Variants in MAPRE3 observed in about 807,000 individuals in gnomAD.
The protein encoded by MAPRE3 is microtubule associated protein RP/EB family member 3.
Under a neutral mutation model 30.5 loss-of-function variants are expected in MAPRE3, and 2 were observed. That is an observed-to-expected ratio of 0.07 (90% CI 0.03 to 0.21). The LOEUF (loss-of-function observed/expected upper bound fraction) is 0.21, where lower values mean the gene tolerates loss of function less well. Among genes scored for constraint, MAPRE3 ranks in the 10% least tolerant of loss-of-function variants. MAPRE3 has a pLI of 1.00. For missense variants in MAPRE3, 204 were observed against 351.8 expected, an observed-to-expected ratio of 0.58 and a Z score of 3.36; for synonymous variants, 110 against 127.7, an observed-to-expected ratio of 0.86 and a Z score of 0.93.
At chr2:26,995,197 C>G (rs1286300541) in intron 1 of MAPRE3, among the ~76,000 whole-genome samples, 1 of 152,136 alleles carries the variant, frequency 6.6e-6, no homozygotes, top group Non-Finnish European at 1.5e-5. Context: ...TGGTTGTGTT[C>G]CAGTAAAACA....
intron 1 of MAPRE3, among the ~76,000 whole-genome samples, chr2:27,007,327 A>G (rs1219280863): frequency 6.6e-6 from 1 of 152,202 alleles, no homozygotes; most frequent in African/African-American, 2.4e-5. Context: ...TGGTTAAGTT[A>G]TCCTGTGATT....
intron 1 of MAPRE3, among the ~76,000 whole-genome samples, chr2:26,995,780 G>GGTGGGTGTGTGTGT (rs1666440331): frequency 9.1e-6 from 1 of 109,638 alleles, no homozygotes; most frequent in East Asian, 3.5e-4. Context: ...TTCTAAGAGA[G>GGTGGGTGTGTGTGT]GTGTGTGTGT....
In MAPRE3 at chr2:27,026,340, G is replaced by A. The variant is rs747598291; in HGVS notation, c.838G>A (p.Glu280Lys). The A allele has an allele frequency of 9.3e-6, 15 of 1,613,710 alleles. No individual in the cohort carries two copies. Among genetic ancestry groups the A allele is most frequent in the Non-Finnish European group, 1.2e-5 (14 of 1,179,800 alleles). The change falls in exon 7 of 7, where the codon GAG becomes AAG. Residue 280 changes from glutamate (E) to lysine (K), a missense_variant. Glu to Lys is a moderately conservative substitution (Grantham distance 56). Around this residue, in one of 5 missense-constraint regions of MAPRE3, gnomAD observed 26 missense variants for 25.6 expected, o/e 1.02. Transcript: ENST00000233121. Reference protein sequence around the residue: ...IEEHQQEDQDEY With the variant: ...IEEHQQEDQDKY ...AGAGCATCAACAAGAAGACCAGGAC[G>A]AGTACTGAGGGCGGCCGCAGCCCTG...
chr2:27,024,382 C>T (rs533414061), intron 4 of MAPRE3, 85 bp downstream of exon 4: 22 of 1,261,036 alleles, frequency 1.7e-5, no homozygotes, highest in African/African-American at 7.6e-5. Flanking sequence ...GGCCACGGCC[C>T]GGCCCTGCCA....
chr2:27,000,018 A>G (rs1219833212), intron 1 of MAPRE3, among the ~76,000 whole-genome samples: 1 of 152,216 alleles, frequency 6.6e-6, no homozygotes, highest in Non-Finnish European at 1.5e-5. Context: ...GGAAGAAAAA[A>G]TATTGTTTTC....
At chr2:27,024,379 GC>G (rs1283706674) in intron 4 of MAPRE3, 82 bp downstream of exon 4, 22 of 1,254,214 alleles carry the variant, frequency 1.8e-5, no homozygotes, top group African/African-American at 3.2e-5. Flanking sequence ...CTGGGCCACG[GC>G]CCGGCCCTGC....
chr2:27,011,358 A>T (rs1236096692), intron 1 of MAPRE3, among the ~76,000 whole-genome samples: 1 of 152,094 alleles, frequency 6.6e-6, no homozygotes, highest in African/African-American at 2.4e-5. Flanking sequence ...AGGTGCTTTC[A>T]CTATTTAGCA....
At chr2:27,010,598 A>G (rs1187934120) in intron 1 of MAPRE3, among the ~76,000 whole-genome samples, 1 of 151,896 alleles carries the variant, frequency 6.6e-6, no homozygotes, top group Non-Finnish European at 1.5e-5. Context: ...GCGTGTCACC[A>G]TACCCAGCTA....
intron 1 of MAPRE3, among the ~76,000 whole-genome samples, chr2:27,001,813 G>A (rs1288023086): frequency 1.3e-5 from 2 of 152,222 alleles, no homozygotes; most frequent in African/African-American, 4.8e-5. Context: ...TAAACATTGT[G>A]ATGCGGTGCG....
At chr2:27,007,779 A>T (rs995559400) in intron 1 of MAPRE3, among the ~76,000 whole-genome samples, 1 of 152,216 alleles carries the variant, frequency 6.6e-6, no homozygotes, top group Non-Finnish European at 1.5e-5. Context: ...GATCTAAAGG[A>T]ATACTAAAAA....
intron 1 of MAPRE3, among the ~76,000 whole-genome samples, chr2:27,021,158 A>G (rs1667103171): frequency 1.3e-5 from 2 of 152,242 alleles, no homozygotes; most frequent in Non-Finnish European, 2.9e-5. Flanking sequence ...TGTAAATACT[A>G]CATCATTTTA....
intron 1 of MAPRE3, among the ~76,000 whole-genome samples, chr2:27,006,875 G>C (rs561686575): frequency 9.2e-5 from 14 of 152,200 alleles, no homozygotes; most frequent in Non-Finnish European, 2.1e-4. Flanking sequence ...TAACAGGACA[G>C]AAGAAAGCAA....
chr2:27,010,509 A>G (rs1207738914), intron 1 of MAPRE3, among the ~76,000 whole-genome samples: 1 of 137,846 alleles, frequency 7.3e-6, no homozygotes, highest in Admixed American at 8.0e-5. Context: ...GTGGTGTGAT[A>G]TTGGCTCACT....
Position 27,025,602 on chromosome 2 carries a change from C to A in MAPRE3, c.489C>A (p.Pro163=). 6.3e-7 allele frequency: 1 copy of A among 1,586,688 alleles called. No homozygotes were observed. The highest frequency in any genetic ancestry group is 8.6e-7 in the Non-Finnish European group (1 of 1,167,102). ...IGTAVPQRTS[P]TGPKNMQTSG... is the part of the protein sequence containing the mutation. ...GGGCAGTTCCACAGAGGACGTCCCC[C>A]ACAGGCCCAAAAAACATGCAGACCT... The change falls in exon 5 of 7, where the codon CCC becomes CCA. Residue 163 remains proline, a synonymous_variant. Transcript: ENST00000233121.
At chr2:27,007,208 G>A (rs546701887) in intron 1 of MAPRE3, among the ~76,000 whole-genome samples, 56 of 152,322 alleles carry the variant, frequency 3.7e-4, no homozygotes, top group African/African-American at 1.3e-3. Flanking sequence ...CAAATAGGTA[G>A]AAAGGTTTAT....
intron 1 of MAPRE3, among the ~76,000 whole-genome samples, chr2:26,977,873 C>G (rs1478157498): frequency 6.6e-6 from 1 of 152,202 alleles, no homozygotes; most frequent in Non-Finnish European, 1.5e-5. Flanking sequence ...GGAGTCTGCC[C>G]AGCTCTGAGC....
At chr2:26,989,373 A>G (rs1022230434) in intron 1 of MAPRE3, among the ~76,000 whole-genome samples, 1 of 152,188 alleles carries the variant, frequency 6.6e-6, no homozygotes, top group Non-Finnish European at 1.5e-5. Flanking sequence ...TCGATTAATA[A>G]GAAAGTGATC....
chr2:27,020,412 T>C (rs1213163511), intron 1 of MAPRE3, among the ~76,000 whole-genome samples: 1 of 152,258 alleles, frequency 6.6e-6, no homozygotes, highest in African/African-American at 2.4e-5. Flanking sequence ...CTCACAATTC[T>C]CGGAAAACAC....
At chr2:26,996,099 G>C (rs1402037874) in intron 1 of MAPRE3, among the ~76,000 whole-genome samples, 1 of 149,190 alleles carries the variant, frequency 6.7e-6, no homozygotes, top group Non-Finnish European at 1.5e-5. Flanking sequence ...AAACAGATGA[G>C]ACATTAGAAG....
Sources: gnomAD v4.1 joint callset for allele counts (sites outside exome capture counted in the v4.1 genomes callset) on GRCh38, gnomAD v4.1.1 for gene constraint, gnomAD v4.1.1 regional missense constraint, MANE v1.5 for transcripts, NCBI Gene and HGNC (gene_info 2026-07-23, HGNC 2026-07-21) for gene names.